The following SAV1 variants were observed in gnomAD, a reference collection of about 807,000 sequenced individuals.
The protein encoded by SAV1 is protein salvador homolog 1.
In SAV1, 23 loss-of-function variants were observed where a neutral mutation model predicts 47.3. The ratio of observed to expected loss-of-function variants is 0.49; its 90% CI spans 0.35 to 0.69. The LOEUF (loss-of-function observed/expected upper bound fraction) is 0.69, where lower values mean the gene tolerates loss of function less well. SAV1 is among the 30% of genes least tolerant of loss of function. The pLI, the probability that SAV1 is intolerant of heterozygous loss-of-function variation, is 0.01. For missense variants in SAV1, 448 were observed against 457.4 expected, an observed-to-expected ratio of 0.98 and a Z score of 0.19; for synonymous variants, 155 against 159.2, an observed-to-expected ratio of 0.97 and a Z score of 0.20.
In SAV1 at chr14:50,633,959, C is replaced by A; in HGVS notation, c.*1224G>T. On this transcript the variant is annotated 3_prime_UTR_variant, in exon 5 of 5. Transcript: ENST00000324679. ...CTATTAAACCAAAAGGGGAGAAAAA[C>A]TGGGAGGGAAATATATGGTGTTAAA... 1.1e-5 allele frequency: 2 copies of A among 184,138 alleles called. No individual in the cohort carries two copies. The highest frequency in any genetic ancestry group is 1.3e-4 in the East Asian group (1 of 7,486). 11.4% of individuals were successfully genotyped at this position (184,138 alleles called of 1,614,324 possible).
intron 2 of SAV1, among the ~76,000 whole-genome samples, chr14:50,663,364 AACTT>A (rs1481230778): frequency 2.0e-5 from 3 of 152,222 alleles, no homozygotes; most frequent in Non-Finnish European, 2.9e-5. Context: ...TTATTTTTAA[AACTT>A]ACTATTTTAG....
intron 1 of SAV1, chr14:50,667,450 A>G (rs546573859): frequency 1.1e-5 from 5 of 456,818 alleles, no homozygotes; most frequent in Non-Finnish European, 2.2e-5. Context: ...CTTGCAGCAC[A>G]GTCGAGAGAC....
At chr14:50,667,823 G>C (rs747493382) in intron 1 of SAV1, 51 bp downstream of exon 1, 2 of 1,502,784 alleles carry the variant, frequency 1.3e-6, no homozygotes, top group Non-Finnish European at 1.8e-6. Context: ...AGGGTCCCCG[G>C]AGCACCTGGC....
Position 50,634,411 on chromosome 14 carries a change from T to A in SAV1, c.*772A>T, listed in dbSNP as rs1301004660. On this transcript the variant is annotated 3_prime_UTR_variant, in exon 5 of 5. Coordinates refer to ENST00000324679, the MANE Select transcript of SAV1 (RefSeq NM_021818.4). ...CTCTCTCAGGCTGCAGTGCAAGTGG[T>A]GCGATCTTGACCCTGCAACCTCTGC... The A allele has an allele frequency of 1.9e-5, 5 of 262,494 alleles. No homozygotes were observed. 16.3% of individuals were successfully genotyped at this position (262,494 alleles called of 1,614,324 possible).
chr14:50,655,141 C>T (rs2039801651), intron 2 of SAV1, among the ~76,000 whole-genome samples: 1 of 152,070 alleles, frequency 6.6e-6, no homozygotes. Context: ...AATATTTAAA[C>T]AGAAAAGAAG....
At chr14:50,651,927 C>T (rs72681611) in intron 2 of SAV1, among the ~76,000 whole-genome samples, 7,726 of 152,232 alleles carry the variant, frequency 0.051, 286 homozygotes, top group Admixed American at 0.12. Flanking sequence ...CCCCTGTGCC[C>T]GGCCCAAAGA....
intron 2 of SAV1, chr14:50,662,786 A>C (rs1174257112): frequency 2.6e-5 from 4 of 152,262 alleles, no homozygotes; most frequent in Non-Finnish European, 4.4e-5. Flanking sequence ...AGGTGAACGC[A>C]AAGAATAACA....
At chr14:50,660,567 T>A (rs1253614717) in intron 2 of SAV1, among the ~76,000 whole-genome samples, 2 of 152,314 alleles carry the variant, frequency 1.3e-5, no homozygotes, top group South Asian at 2.1e-4. Flanking sequence ...AATAATCAAG[T>A]CAGGGTATTT....
In SAV1 at chr14:50,640,779, C is replaced by A. The variant is rs918601199; in HGVS notation, c.921G>T (p.Trp307Cys). ...NPYHTAEIPDWLQVYARAPVK... is the reference protein window; with the variant it reads ...NPYHTAEIPDCLQVYARAPVK... ...CAGGGGCTCGTGCGTAAACCTGAAG[C>A]CAGTCAGGAATTTCTGCAGTATGAT... The change falls in exon 4 of 5, where the codon TGG becomes TGT. Residue 307 changes from tryptophan (W) to cysteine (C), a missense_variant. Transcript: ENST00000324679. The A allele has an allele frequency of 6.2e-7, 1 of 1,613,484 alleles. No individual in the cohort carries two copies.
At chr14:50,653,309 C>A (rs1404114979) in intron 2 of SAV1, among the ~76,000 whole-genome samples, 2 of 152,110 alleles carry the variant, frequency 1.3e-5, no homozygotes, top group African/African-American at 4.8e-5. Flanking sequence ...GCTAGGGTAT[C>A]AATTCATCAT....
Position 50,663,321 on chromosome 14 carries a change from A to G in SAV1, c.535+1858T>C, listed in dbSNP as rs367617286. 4.6e-5 allele frequency: 7 copies of G among 152,262 alleles called. No homozygotes were observed. The East Asian group carries it at 1.2e-3, about 25-fold the overall frequency. The allele number at this position is 152,262 out of a possible 1,614,324, so 9.4% of individuals were successfully genotyped here. A position where few individuals can be genotyped will look rare whatever the true frequency, so the allele number is the denominator to read the frequency against. On this transcript the variant is annotated intron_variant, in intron 2 of 4. Transcript: ENST00000324679. ...ATTTTGCAAATTTCCTGTAATAAGC[A>G]GTTATTATTCTAGAAGAAAATATAA...
At chr14:50,659,603 C>T (rs1387624064) in intron 2 of SAV1, among the ~76,000 whole-genome samples, 1 of 152,206 alleles carries the variant, frequency 6.6e-6, no homozygotes, top group East Asian at 1.9e-4. Flanking sequence ...AATCCCAGCA[C>T]TTTGGGAGGC....
chr14:50,645,048 A>C, intron 2 of SAV1, 34 bp from the exon 3 acceptor site: 1 of 1,575,618 alleles, frequency 6.3e-7, no homozygotes, highest in East Asian at 2.2e-5. Context: ...GAGAAGAAAC[A>C]GAACAATTAT....
At chr14:50,653,146 T>C (rs994742742) in intron 2 of SAV1, among the ~76,000 whole-genome samples, 2 of 152,138 alleles carry the variant, frequency 1.3e-5, no homozygotes, top group African/African-American at 4.8e-5. Flanking sequence ...TAGCATAGAT[T>C]AAATAAGACT....
intron 2 of SAV1, among the ~76,000 whole-genome samples, chr14:50,646,105 C>T (rs2039719235): frequency 6.6e-6 from 1 of 152,022 alleles, no homozygotes; most frequent in Non-Finnish European, 1.5e-5. Context: ...ATTCCAAGAC[C>T]TCCCGTAGAT....
intron 2 of SAV1, among the ~76,000 whole-genome samples, chr14:50,648,817 C>G (rs1212872201): frequency 6.6e-6 from 1 of 152,024 alleles, no homozygotes; most frequent in Non-Finnish European, 1.5e-5. Context: ...TATAACAAAT[C>G]ACCCCGAAAC....
At chr14:50,651,822 G>C (rs1392123931) in intron 2 of SAV1, among the ~76,000 whole-genome samples, 2 of 151,962 alleles carry the variant, frequency 1.3e-5, no homozygotes, top group African/African-American at 4.8e-5. Context: ...GTAAAGACAG[G>C]GTCTCACTAT....
intron 2 of SAV1, among the ~76,000 whole-genome samples, 156 bp from the exon 3 acceptor site, chr14:50,645,170 C>T (rs1195393662): frequency 6.6e-6 from 1 of 151,962 alleles, no homozygotes; most frequent in Non-Finnish European, 1.5e-5. Flanking sequence ...TAAAACTAGT[C>T]GGTATTACTA....
At chr14:50,660,264 G>A (rs2039847410) in intron 2 of SAV1, among the ~76,000 whole-genome samples, 1 of 152,098 alleles carries the variant, frequency 6.6e-6, no homozygotes, top group East Asian at 1.9e-4. Flanking sequence ...CCAATCACCA[G>A]CACCCATCCC....
Sources: gnomAD v4.1 joint callset for allele counts (sites outside exome capture counted in the v4.1 genomes callset) on GRCh38, gnomAD v4.1.1 for gene constraint, MANE v1.5 for transcripts, NCBI Gene and HGNC (gene_info 2026-07-23, HGNC 2026-07-21) for gene names.